Variants in CDH13 observed in about 807,000 individuals in gnomAD.
CDH13 encodes the protein cadherin 13.
In CDH13, 24 loss-of-function variants were observed where a neutral mutation model predicts 63.8. The ratio of observed to expected loss-of-function variants is 0.38; its 90% CI spans 0.27 to 0.53. The LOEUF (loss-of-function observed/expected upper bound fraction) is 0.53, where lower values mean the gene tolerates loss of function less well. Ranked by LOEUF, CDH13 falls within the 20% of genes least tolerant of loss-of-function variation. CDH13 has a pLI of 0.85. For synonymous variants in CDH13, 503 were observed against 355.3 expected (o/e 1.42, Z -4.67); for missense variants, 1,049 against 903.1 (o/e 1.16, Z -2.07).
At chr16:83,233,016 C>A (rs1430173148) in intron 5 of CDH13, among the ~76,000 whole-genome samples, 1 of 152,140 alleles carries the variant, frequency 6.6e-6, no homozygotes, top group African/African-American at 2.4e-5. Flanking sequence ...ACAGGCTCCC[C>A]AGGGAGCATT....
intron 7 of CDH13, among the ~76,000 whole-genome samples, chr16:83,558,002 C>T (rs1382913829): frequency 6.6e-6 from 1 of 152,052 alleles, no homozygotes; most frequent in African/African-American, 2.4e-5. Flanking sequence ...ACCTGGGGGG[C>T]ATTGAGCACT....
At chr16:83,533,567 C>G (rs549359848) in intron 7 of CDH13, among the ~76,000 whole-genome samples, 1 of 151,424 alleles carries the variant, frequency 6.6e-6, no homozygotes, top group Admixed American at 6.6e-5. Flanking sequence ...GCACGGCCCA[C>G]GGCTTCCTTA....
rs114357463 is a variant in CDH13 at position 83,385,107 on chromosome 16, C to G, written c.781+40101C>G. On this transcript the variant is annotated intron_variant, in intron 6 of 13. Transcript: ENST00000567109. ...TCATGAAATTGCATGCATTAGCATG[C>G]GGATGCTTAGACATATATATTTTTT... 2.0e-5 allele frequency among the ~76,000 whole-genome samples: 3 copies of G among 152,256 alleles called. No homozygotes were observed. In the South Asian group the frequency reaches 6.2e-4, roughly 32 times the overall value.
intron 8 of CDH13, among the ~76,000 whole-genome samples, chr16:83,649,589 G>A (rs1009915461): frequency 3.3e-5 from 5 of 152,172 alleles, no homozygotes; most frequent in Admixed American, 3.3e-4. Context: ...GCACTGAGGA[G>A]TACATAGCCG....
At chr16:82,903,233 A>C (rs370743706) in intron 2 of CDH13, among the ~76,000 whole-genome samples, 111 of 152,354 alleles carry the variant, frequency 7.3e-4, no homozygotes, top group Non-Finnish European at 1.4e-3. Context: ...GAATGCCTCA[A>C]TGAAAAACAT....
chr16:82,635,239 G>A (rs565834403), intron 1 of CDH13, among the ~76,000 whole-genome samples: 1 of 152,218 alleles, frequency 6.6e-6, no homozygotes, highest in Non-Finnish European at 1.5e-5. Context: ...ACAAATGAAT[G>A]AATGAATATA....
At chr16:83,340,886 T>C (rs572949015) in intron 5 of CDH13, among the ~76,000 whole-genome samples, 2 of 152,164 alleles carry the variant, frequency 1.3e-5, no homozygotes, top group African/African-American at 4.8e-5. Flanking sequence ...ACTTTTTTTT[T>C]AATATCACAC....
chr16:83,769,047 G>A (rs139570566), intron 11 of CDH13, among the ~76,000 whole-genome samples: 60 of 152,244 alleles, frequency 3.9e-4, no homozygotes, highest in Admixed American at 9.8e-4. Flanking sequence ...AAGATGGGAG[G>A]GAACCTCAAA....
intron 7 of CDH13, among the ~76,000 whole-genome samples, chr16:83,588,715 A>G (rs932834142): frequency 6.6e-6 from 1 of 152,228 alleles, no homozygotes; most frequent in African/African-American, 2.4e-5. Flanking sequence ...TCTTCCCACT[A>G]GACAGATTTT....
Position 83,218,112 on chromosome 16 carries a change from C to G in CDH13, c.636+615C>G, listed in dbSNP as rs143888889. Among the ~76,000 whole-genome samples, 13 of 152,216 alleles carry G rather than the reference C, an allele frequency of 8.5e-5. No individual in the cohort carries two copies. In the East Asian group the frequency reaches 2.5e-3, roughly 29 times the overall value. On this transcript the variant is annotated intron_variant, in intron 5 of 13. Transcript: ENST00000567109. ...TTTAACAAAAATGATAAAGAAAAAT[C>G]AGTGGGTTAATGGTTGTATTTGGAA...
intron 7 of CDH13, among the ~76,000 whole-genome samples, chr16:83,526,401 G>T (rs1202851211): frequency 6.6e-6 from 1 of 152,166 alleles, no homozygotes; most frequent in African/African-American, 2.4e-5. Context: ...GATGGTTTCC[G>T]GATGAAACTG....
intron 2 of CDH13, among the ~76,000 whole-genome samples, chr16:83,014,754 ATATATATATATATATATATATG>A (rs1410099978): frequency 6.9e-5 from 3 of 43,382 alleles, no homozygotes; most frequent in South Asian, 6.9e-4. Context: ...ATATATATAT[ATATATATATATATATATATATG>A]TATATATATA....
chr16:82,985,291 A>G (rs950286360), intron 2 of CDH13, among the ~76,000 whole-genome samples: 2 of 152,166 alleles, frequency 1.3e-5, no homozygotes, highest in Non-Finnish European at 2.9e-5. Flanking sequence ...AGGCATCTCT[A>G]TTATAGCAAA....
At chr16:83,042,170 C>A (rs760595440) in intron 3 of CDH13, among the ~76,000 whole-genome samples, 25 of 152,190 alleles carry the variant, frequency 1.6e-4, no homozygotes, top group Non-Finnish European at 3.1e-4. Flanking sequence ...GTGTCCCCCA[C>A]CCACCTGTCT....
intron 1 of CDH13, among the ~76,000 whole-genome samples, chr16:82,743,352 T>G (rs1285372535): frequency 6.6e-6 from 1 of 152,122 alleles, no homozygotes; most frequent in Non-Finnish European, 1.5e-5. Flanking sequence ...CTCAGCCTTT[T>G]AGGTAGTGGG....
intron 8 of CDH13, among the ~76,000 whole-genome samples, chr16:83,645,544 C>T (rs892958538): frequency 4.6e-5 from 7 of 151,904 alleles, no homozygotes; most frequent in Non-Finnish European, 8.8e-5. Flanking sequence ...CATGCCCCCC[C>T]CCAATCTAAA....
intron 6 of CDH13, among the ~76,000 whole-genome samples, chr16:83,345,243 T>C (rs2090815484): frequency 6.6e-6 from 1 of 152,236 alleles, no homozygotes. Flanking sequence ...CAAGGATGAC[T>C]GCCATCTAAG....
intron 2 of CDH13, among the ~76,000 whole-genome samples, chr16:82,986,615 C>A (rs923196241): frequency 3.3e-5 from 5 of 152,198 alleles, no homozygotes; most frequent in African/African-American, 1.2e-4. Context: ...CTAAGGTCTT[C>A]TTCCTGTGTC....
At chr16:82,830,512 A>C (rs1444699096) in intron 1 of CDH13, among the ~76,000 whole-genome samples, 1 of 152,158 alleles carries the variant, frequency 6.6e-6, no homozygotes, top group Non-Finnish European at 1.5e-5. Flanking sequence ...AAGTAAAAAG[A>C]GGATCTACAG....
Sources: allele counts gnomAD v4.1 joint callset (sites outside exome capture counted in the v4.1 genomes callset), GRCh38; gene constraint gnomAD v4.1.1; transcripts MANE v1.5; gene names NCBI Gene and HGNC (gene_info 2026-07-23, HGNC 2026-07-21).